TRIM49: variants seen among roughly 807,000 people sequenced by gnomAD.
The protein encoded by TRIM49 is tripartite motif-containing protein 49.
In TRIM49, 5 loss-of-function variants were observed where a neutral mutation model predicts 27.4. The observed-to-expected ratio is 0.18, with a 90% CI of 0.10 to 0.38. The LOEUF (loss-of-function observed/expected upper bound fraction) is 0.38, where lower values mean the gene tolerates loss of function less well. Among genes scored for constraint, TRIM49 ranks in the 10% least tolerant of loss-of-function variants. TRIM49 has a pLI of 1.00. For missense variants in TRIM49, 188 were observed against 487.5 expected, an observed-to-expected ratio of 0.39 and a Z score of 5.79; for synonymous variants, 69 against 166.0, an observed-to-expected ratio of 0.42 and a Z score of 4.49.
At chr11:89,804,914 C>G (rs1949776375) in intron 2 of TRIM49, among the ~76,000 whole-genome samples, 1 of 151,082 alleles carries the variant, frequency 6.6e-6, no homozygotes, top group Non-Finnish European at 1.5e-5. Context: ...GAAGATGGTT[C>G]TATGACATAT....
the TRIM49 span, among the ~76,000 whole-genome samples, chr11:89,777,750 T>C: frequency 6.8e-6 from 1 of 147,546 alleles, no homozygotes; most frequent in South Asian, 2.1e-4. Context: ...TATGTTTCTA[T>C]CACTTTTCAC....
At chr11:89,808,261 GA>G (rs1949801788) in intron 1 of TRIM49, among the ~76,000 whole-genome samples, 175 bp downstream of exon 1, 1 of 148,310 alleles carries the variant, frequency 6.7e-6, no homozygotes, top group Non-Finnish European at 1.5e-5. Flanking sequence ...AATATCTTCT[GA>G]TAGAGGAATT....
chr11:89,804,683 T>A (rs2134646206), intron 2 of TRIM49, among the ~76,000 whole-genome samples: 1 of 151,728 alleles, frequency 6.6e-6, no homozygotes, highest in East Asian at 1.9e-4. Flanking sequence ...GGACTCACAG[T>A]CCCTTCTACT....
At chr11:89,792,233 G>T in the TRIM49 span, among the ~76,000 whole-genome samples, 1 of 151,194 alleles carries the variant, frequency 6.6e-6, no homozygotes, top group African/African-American at 2.4e-5. Context: ...GGAGCACTCA[G>T]ATTCATAAAG....
At chr11:89,808,125 G>A (rs534180926) in intron 1 of TRIM49, among the ~76,000 whole-genome samples, 28 of 144,496 alleles carry the variant, frequency 1.9e-4, no homozygotes, top group South Asian at 6.7e-4. Flanking sequence ...TTAGCATATA[G>A]GCAAATTCAC....
chr11:89,766,622 G>C, the TRIM49 span: 6 of 1,182,100 alleles, frequency 5.1e-6, no homozygotes, highest in Non-Finnish European at 7.2e-6. Flanking sequence ...AGAAAGACCT[G>C]ACAGGAAAAT....
intron 2 of TRIM49, among the ~76,000 whole-genome samples, chr11:89,806,601 C>T (rs1181304984): frequency 7.3e-5 from 11 of 150,274 alleles, no homozygotes; most frequent in East Asian, 1.9e-4. Flanking sequence ...TTTACTTGTT[C>T]GAAAAATTGT....
At chr11:89,790,183 C>G in the TRIM49 span, among the ~76,000 whole-genome samples, 2 of 129,594 alleles carry the variant, frequency 1.5e-5, no homozygotes, top group African/African-American at 6.0e-5. Flanking sequence ...TGAGATCAAA[C>G]TGCAAGGCAG....
Position 89,803,678 on chromosome 11 carries a change from T to C in TRIM49, c.507+20A>G. On this transcript the variant is annotated intron_variant, in intron 4 of 7. Coordinates refer to ENST00000329758, the MANE Select transcript of TRIM49 (RefSeq NM_020358.2). ...GCCCACCATAAGTTCCTGGAGAAGG[T>C]AGAGTAGTACAGGACTAACCTTCCA... 1 of 999,024 alleles carries C rather than the reference T, an allele frequency of 1.0e-6. No homozygotes were observed. The highest frequency in any genetic ancestry group is 1.5e-6 in the Non-Finnish European group (1 of 682,478). 61.9% of individuals were successfully genotyped at this position (999,024 alleles called of 1,614,324 possible).
At chr11:89,772,270 TAATC>T in the TRIM49 span, among the ~76,000 whole-genome samples, 3 of 136,918 alleles carry the variant, frequency 2.2e-5, 1 homozygote, top group Non-Finnish European at 4.5e-5. Flanking sequence ...AAATATGCGT[TAATC>T]AACTGTGAAT....
At chr11:89,787,964 G>A in the TRIM49 span, 1 of 283,362 alleles carries the variant, frequency 3.5e-6, no homozygotes, top group Admixed American at 4.7e-5. Flanking sequence ...GATGCTCCCA[G>A]GAAGGGGCTG....
the TRIM49 span, among the ~76,000 whole-genome samples, chr11:89,789,159 G>A: frequency 5.7e-3 from 2 of 350 alleles, no homozygotes; most frequent in Non-Finnish European, 0.01. Flanking sequence ...AATTCTCCTG[G>A]AGTGGACCAG....
chr11:89,778,066 CT>C, the TRIM49 span: 1 of 540,182 alleles, frequency 1.9e-6, no homozygotes, highest in Non-Finnish European at 3.3e-6. Context: ...ACAAAGTTGG[CT>C]TATACTTTTT....
At chr11:89,793,940 G>A (rs537018270), downstream of TRIM49, among the ~76,000 whole-genome samples, 111 of 151,202 alleles carry the variant, frequency 7.3e-4, 2 homozygotes, top group Non-Finnish European at 1.5e-3. Flanking sequence ...AAAAGAGGAA[G>A]TCAAATTGTC....
chr11:89,776,890 A>T, the TRIM49 span: 4 of 1,412,920 alleles, frequency 2.8e-6, no homozygotes, highest in Non-Finnish European at 9.4e-7. Context: ...AGACAAAGAA[A>T]ATTGTCCACC....
At chr11:89,789,652 T>C in the TRIM49 span, 1 of 152,250 alleles carries the variant, frequency 6.6e-6, no homozygotes, top group Admixed American at 6.5e-5. Flanking sequence ...CTAATTGCCG[T>C]TGGAATAGCC....
At chr11:89,772,160 T>G in the TRIM49 span, among the ~76,000 whole-genome samples, 5 of 137,400 alleles carry the variant, frequency 3.6e-5, 1 homozygote, top group Non-Finnish European at 7.5e-5. Context: ...TATTTAGTTT[T>G]CCATTAATGA....
chr11:89,802,495 G>T (rs530219081), intron 4 of TRIM49, among the ~76,000 whole-genome samples: 1 of 150,630 alleles, frequency 6.6e-6, no homozygotes, highest in Non-Finnish European at 1.5e-5. Context: ...TGGTTCTTCC[G>T]GCCTCCAAAT....
intron 1 of TRIM49, among the ~76,000 whole-genome samples, chr11:89,808,126 G>A (rs955452092): frequency 1.4e-5 from 2 of 144,406 alleles, no homozygotes; most frequent in Non-Finnish European, 3.0e-5. Context: ...TAGCATATAG[G>A]CAAATTCACA....
Sources: allele counts gnomAD v4.1 joint callset (sites outside exome capture counted in the v4.1 genomes callset), GRCh38; gene constraint gnomAD v4.1.1; transcripts MANE v1.5; gene names NCBI Gene and HGNC (gene_info 2026-07-23, HGNC 2026-07-21).